KDM4A: variants seen among roughly 807,000 people sequenced by gnomAD.
The protein encoded by KDM4A is lysine demethylase 4A.
KDM4A carries 23 observed loss-of-function variants against 127.1 expected under a neutral mutation model. The observed-to-expected ratio is 0.18, with a 90% CI of 0.13 to 0.26. KDM4A has a LOEUF of 0.26. Among genes scored for constraint, KDM4A ranks in the 10% least tolerant of loss-of-function variants. The pLI is 1.00. For synonymous variants in KDM4A, 443 were observed against 466.5 expected (o/e 0.95, Z 0.65); for missense variants, 890 against 1,329.1 (o/e 0.67, Z 5.14).
chr1:43,702,461 G>T (rs1477751305), intron 19 of KDM4A: 1 of 152,184 alleles, frequency 6.6e-6, no homozygotes, highest in Non-Finnish European at 1.5e-5. Flanking sequence ...TAGCATGATT[G>T]TAAGAGCAGA....
intron 5 of KDM4A, 39 bp from the exon 6 acceptor site, chr1:43,665,657 G>T: frequency 1.2e-6 from 2 of 1,605,514 alleles, no homozygotes; most frequent in Non-Finnish European, 1.7e-6. Flanking sequence ...TTCTGTACCT[G>T]CCCTCCACCC....
chr1:43,651,863 C>G (rs1010385052), intron 1 of KDM4A, among the ~76,000 whole-genome samples: 2 of 152,134 alleles, frequency 1.3e-5, no homozygotes, highest in African/African-American at 4.8e-5. Context: ...TGAAGTTTTC[C>G]GTGTATTGCC....
chr1:43,667,839 G>A lies in KDM4A; in HGVS notation c.983G>A (p.Arg328Lys). The change falls in exon 9 of 22, where the codon AGG becomes AAG. Residue 328 changes from arginine (R) to lysine (K), a missense_variant. Arg to Lys is a conservative substitution (Grantham distance 26). Around this residue, in one of 7 missense-constraint regions of KDM4A, gnomAD observed 141 missense variants for 273.5 expected, o/e 0.52. Transcript: ENST00000372396. ...TTTGTGAGAAAGTTCCAGCCAGAAA[G>A]GTACAAACTTTGGAAAGCTGGGAAG... ...DVFVRKFQPERYKLWKAGKDN... is the reference protein window; with the variant it reads ...DVFVRKFQPEKYKLWKAGKDN... 6.2e-7 allele frequency: 1 copy of A among 1,614,128 alleles called. No individual in the cohort carries two copies. Among genetic ancestry groups the A allele is most frequent in the Admixed American group, 1.7e-5 (1 of 60,022 alleles).
chr1:43,686,245 G>A (rs1660975694), intron 12 of KDM4A, among the ~76,000 whole-genome samples: 2 of 135,034 alleles, frequency 1.5e-5, no homozygotes, highest in South Asian at 4.7e-4. Context: ...TGCAACCTCT[G>A]CCTCCTGGTC....
At chr1:43,697,799 G>A (rs1401137679) in intron 18 of KDM4A, 44 bp from the exon 19 acceptor site, 1 of 1,580,608 alleles carries the variant, frequency 6.3e-7, no homozygotes, top group East Asian at 2.2e-5. Context: ...TGCCAGGCCT[G>A]CAAACTCCAC....
chr1:43,667,184 GC>G, intron 8 of KDM4A, 93 bp downstream of exon 8: 1 of 1,403,854 alleles, frequency 7.1e-7, no homozygotes, highest in Non-Finnish European at 9.9e-7. Context: ...ATTTCTTTGA[GC>G]TGCTGGAATT....
rs1020189131 is a variant in KDM4A, at chr1:43,688,555, A to G, written c.1856-359A>G. ...GCTGACGTTTTGGAGGCAGCAAATAAGATGGTTTTTGGCAAGATGGTGCTT... is the reference window on the plus strand; with the variant it reads ...GCTGACGTTTTGGAGGCAGCAAATAGGATGGTTTTTGGCAAGATGGTGCTT... On this transcript the variant is annotated intron_variant, in intron 12 of 21. Transcript: ENST00000372396. This position sits in a 1 kb window ranked among gnomAD's most constrained non-coding sequence, Gnocchi z 4.4. 3.3e-5 allele frequency among the ~76,000 whole-genome samples: 5 copies of G among 152,188 alleles called. No individual in the cohort carries two copies. The highest frequency in any genetic ancestry group is 7.4e-5 in the Non-Finnish European group (5 of 68,020).
intron 10 of KDM4A, among the ~76,000 whole-genome samples, chr1:43,669,900 G>A (rs1276981343): frequency 1.3e-5 from 2 of 152,210 alleles, no homozygotes; most frequent in Non-Finnish European, 2.9e-5. Context: ...TGATCCGCCT[G>A]CCTCGGCCTC....
At chr1:43,650,288 A>T (rs1660079879) in intron 1 of KDM4A, 36 bp downstream of exon 1, 1 of 120,938 alleles carries the variant, frequency 8.3e-6, no homozygotes, top group Non-Finnish European at 1.6e-5. Flanking sequence ...CTCGAGGATC[A>T]TTGCCGCTGT....
At chr1:43,682,831 T>C (rs1177123706) in intron 11 of KDM4A, among the ~76,000 whole-genome samples, 1 of 152,194 alleles carries the variant, frequency 6.6e-6, no homozygotes, top group Admixed American at 6.5e-5. Context: ...ATTTATGGCA[T>C]TGGTTTTTGT....
intron 19 of KDM4A, among the ~76,000 whole-genome samples, chr1:43,703,191 C>T (rs1661447874): frequency 6.6e-6 from 1 of 151,936 alleles, no homozygotes; most frequent in African/African-American, 2.4e-5. Context: ...ATCTGCCTGC[C>T]TCAGCCTCCC....
chr1:43,658,606 C>G (rs914291867), intron 3 of KDM4A, among the ~76,000 whole-genome samples: 4 of 149,884 alleles, frequency 2.7e-5, no homozygotes, highest in Non-Finnish European at 4.4e-5. Flanking sequence ...TGGGTTCAAG[C>G]AATTCTCCTG....
chr1:43,653,050 A>T, intron 1 of KDM4A, 87 bp from the exon 2 acceptor site: 1 of 681,816 alleles, frequency 1.5e-6, no homozygotes, highest in Non-Finnish European at 2.2e-6. Flanking sequence ...GAATTTCTAT[A>T]TTATCTTTTA....
intron 11 of KDM4A, among the ~76,000 whole-genome samples, chr1:43,677,276 C>T (rs972959289): frequency 3.9e-4 from 56 of 143,106 alleles, no homozygotes; most frequent in African/African-American, 1.3e-3. Flanking sequence ...ATCTGAGAGG[C>T]GGAGGTTGCG....
intron 5 of KDM4A, 35 bp downstream of exon 5, chr1:43,663,122 T>A: frequency 6.3e-7 from 1 of 1,578,602 alleles, no homozygotes; most frequent in Non-Finnish European, 8.6e-7. Flanking sequence ...CGGGCTTCTA[T>A]GCTAGAGCAC....
rs1352866425 is a variant in KDM4A at position 43,694,759 on chromosome 1, G to A, written c.2535G>A (p.Val845=). 1 of 1,614,078 alleles carries A rather than the reference G, an allele frequency of 6.2e-7. No homozygotes were observed. Among genetic ancestry groups the A allele is most frequent in the Non-Finnish European group, 8.5e-7 (1 of 1,179,952 alleles). Residue 845 remains valine, a synonymous_variant, in exon 18 of 22, where the codon GTG becomes GTA. Transcript: ENST00000372396. The surrounding 1 kb of genome is among the most constrained non-coding windows in gnomAD (Gnocchi z 5.2). ...GGAAAAGAACTGCTGGCTGCTGTGT[G>A]CAGTGTTCTCACGGCCGCTGCCCAA... ...KRRKRTAGCC[V]QCSHGRCPTA...
rs1004705514 is a variant in KDM4A at position 43,667,688 on chromosome 1, T to C, written c.916-84T>C. 5.2e-6 allele frequency: 8 copies of C among 1,550,818 alleles called. No individual in the cohort carries two copies. The South Asian group carries it at 7.0e-5, about 13-fold the overall frequency. ...ATAAACCATCTTGCACTTGTTTCCA[T>C]GTGGAGGGAGGAGCTAGGACGTGGG... On this transcript the variant is annotated intron_variant, in intron 8 of 21. Coordinates refer to ENST00000372396, the MANE Select transcript of KDM4A (RefSeq NM_014663.3).
At chr1:43,690,468 GGACTCCT>G (rs1394708044) in intron 13 of KDM4A, 1 of 323,510 alleles carries the variant, frequency 3.1e-6, no homozygotes, top group African/African-American at 2.1e-5. Flanking sequence ...GGCTGGTCTT[GGACTCCT>G]GACCTCTGGT....
Position 43,704,480 on chromosome 1 carries a change from A to T in KDM4A, c.*110A>T, listed in dbSNP as rs1661497156. The T allele has an allele frequency of 8.6e-7, 1 of 1,164,420 alleles. No individual in the cohort carries two copies. The highest frequency in any genetic ancestry group is 1.2e-6 in the Non-Finnish European group (1 of 815,316). 72.1% of individuals were successfully genotyped at this position (1,164,420 alleles called of 1,614,324 possible). Reference sequence around the variant, plus strand: ...TCTCTGAAAGTGAAGTTGTAAAAAGAAAAGGAATGAAATAACCGACCCATC... The same window carrying T: ...TCTCTGAAAGTGAAGTTGTAAAAAGTAAAGGAATGAAATAACCGACCCATC... On this transcript the variant is annotated 3_prime_UTR_variant, in exon 22 of 22. Transcript: ENST00000372396.
Sources: gnomAD v4.1 joint callset for allele counts (sites outside exome capture counted in the v4.1 genomes callset) on GRCh38, gnomAD v4.1.1 for gene constraint, gnomAD v4.1.1 regional missense constraint, Gnocchi (gnomAD v3.1) non-coding constraint, MANE v1.5 for transcripts, NCBI Gene and HGNC (gene_info 2026-07-23, HGNC 2026-07-21) for gene names.